The following SUMF1 variants were observed in gnomAD, a reference collection of about 807,000 sequenced individuals.
The protein encoded by SUMF1 is sulfatase modifying factor 1.
SUMF1 carries 48 observed loss-of-function variants against 47.6 expected under a neutral mutation model. The observed-to-expected ratio is 1.01, with a 90% confidence interval of 0.80 to 1.28. The LOEUF (loss-of-function observed/expected upper bound fraction) is 1.28, where lower values mean the gene tolerates loss of function less well. Among genes scored for constraint, SUMF1 ranks in the 50% most tolerant of loss-of-function variants. The pLI, the probability that SUMF1 is intolerant of heterozygous loss-of-function variation, is 0.00. For missense variants in SUMF1, 571 were observed against 485.4 expected (o/e 1.18, Z -1.66); for synonymous variants, 230 against 192.1 (o/e 1.20, Z -1.63).
At chr3:4,286,584 G>A in intron 8 of SUMF1, among the ~76,000 whole-genome samples, 1 of 152,028 alleles carries the variant, frequency 6.6e-6, no homozygotes, top group East Asian at 1.9e-4. Flanking sequence ...CATCACACCA[G>A]CAGTCATGTT....
At chr3:4,166,800 T>A (rs1694717181) in intron 8 of SUMF1, among the ~76,000 whole-genome samples, 1 of 152,080 alleles carries the variant, frequency 6.6e-6, no homozygotes, top group Non-Finnish European at 1.5e-5. Flanking sequence ...TCCCTCTCTG[T>A]TGACCCTCAG....
chr3:4,135,054 C>T (rs537645060), intron 8 of SUMF1, among the ~76,000 whole-genome samples: 17 of 152,238 alleles, frequency 1.1e-4, no homozygotes, highest in Non-Finnish European at 2.4e-4. Context: ...CACGGAGGAG[C>T]TGGTACCATG....
At chr3:4,461,031 C>T (rs578036535) in intron 1 of SUMF1, among the ~76,000 whole-genome samples, 1 of 152,268 alleles carries the variant, frequency 6.6e-6, no homozygotes, top group South Asian at 2.1e-4. Flanking sequence ...TCTTTTATTT[C>T]TATATCCCCA....
chr3:4,289,703 C>A (rs931706306), intron 8 of SUMF1, among the ~76,000 whole-genome samples: 8 of 152,130 alleles, frequency 5.3e-5, no homozygotes, highest in Non-Finnish European at 1.5e-5. Flanking sequence ...TTCTTTGTTG[C>A]TATCATCCAG....
chr3:4,255,930 G>A (rs910369376), intron 8 of SUMF1, among the ~76,000 whole-genome samples: 4 of 118,592 alleles, frequency 3.4e-5, no homozygotes, highest in Admixed American at 2.5e-4. Context: ...AGACCACAGT[G>A]CAATCAAACT....
chr3:4,426,631 A>G (rs1467199239), intron 3 of SUMF1, among the ~76,000 whole-genome samples: 1 of 152,218 alleles, frequency 6.6e-6, no homozygotes, highest in Non-Finnish European at 1.5e-5. Flanking sequence ...GCAGATTGTG[A>G]CATCTATAAT....
At chr3:4,410,135 C>T (rs760809327) in intron 7 of SUMF1, among the ~76,000 whole-genome samples, 2 of 152,142 alleles carry the variant, frequency 1.3e-5, no homozygotes, top group Admixed American at 6.5e-5. Context: ...CTGTTCACAC[C>T]ATAAAAAATA....
chr3:4,319,637 A>G (rs991499680), intron 8 of SUMF1, among the ~76,000 whole-genome samples: 3 of 152,228 alleles, frequency 2.0e-5, no homozygotes, highest in African/African-American at 4.8e-5. Context: ...TGTCATTTCT[A>G]TGGGACAGTT....
chr3:4,105,182 G>A (rs569632044), intron 8 of SUMF1, among the ~76,000 whole-genome samples: 18 of 152,138 alleles, frequency 1.2e-4, no homozygotes, highest in South Asian at 4.2e-4. Context: ...TAAAACAGTC[G>A]AACTCATAGA....
intron 6 of SUMF1, among the ~76,000 whole-genome samples, chr3:4,416,886 C>T (rs1031005367): frequency 6.6e-6 from 1 of 152,086 alleles, no homozygotes; most frequent in Non-Finnish European, 1.5e-5. Context: ...TTAGCTTTCT[C>T]CTTTATAGTC....
In SUMF1 at chr3:4,137,989, A is replaced by C. The variant is rs185256895; in HGVS notation, c.1015-69244T>G. On this transcript the variant is annotated intron_variant and NMD_transcript_variant, in intron 8 of 12. Transcript: ENST00000448413. ...GTTGCTGAATACAAATTCAATATGC[A>C]AGATTTAATTGTATTTCAATACAGT... Among the ~76,000 whole-genome samples, 158 of 152,230 alleles carry C rather than the reference A, an allele frequency of 1.0e-3. 1 individual carries two copies. Among genetic ancestry groups the C allele is most frequent in the Admixed American group, 6.0e-3 (91 of 15,272 alleles).
At chr3:4,330,019 C>G (rs1699018987) in intron 8 of SUMF1, among the ~76,000 whole-genome samples, 1 of 152,166 alleles carries the variant, frequency 6.6e-6, no homozygotes, top group African/African-American at 2.4e-5. Flanking sequence ...CCACTAGTCT[C>G]TTTGCTAATG....
At position 4,364,848 on chromosome 3, in the gene SUMF1, T is replaced by C. The variant is rs1310832458; in HGVS notation, c.1015-2594A>G. Among the ~76,000 whole-genome samples, 305 of 151,834 alleles carry C rather than the reference T, an allele frequency of 2.0e-3. 1 individual carries two copies. The highest frequency in any genetic ancestry group is 0.01 in the Middle Eastern group (3 of 294). On this transcript the variant is annotated intron_variant, in intron 8 of 8. Transcript: ENST00000272902. ...TCAATTTTGGATCTTTCCTGCTTTCTCTTGTGGGCATTTAGTGCTATAAAT... is the reference window on the plus strand; with the variant it reads ...TCAATTTTGGATCTTTCCTGCTTTCCCTTGTGGGCATTTAGTGCTATAAAT...
chr3:4,254,943 GA>G (rs1356532418), intron 8 of SUMF1, among the ~76,000 whole-genome samples: 1 of 152,136 alleles, frequency 6.6e-6, no homozygotes, highest in Non-Finnish European at 1.5e-5. Flanking sequence ...AGCCAGAAGA[GA>G]GGGGGGGCCA....
chr3:4,155,307 C>T (rs2125108896), intron 8 of SUMF1, among the ~76,000 whole-genome samples: 1 of 151,630 alleles, frequency 6.6e-6, no homozygotes, highest in Admixed American at 6.5e-5. Flanking sequence ...GATTCAGACA[C>T]TCTTTCCATG....
intron 3 of SUMF1, among the ~76,000 whole-genome samples, chr3:4,420,835 A>G (rs1298479971): frequency 1.3e-5 from 2 of 152,202 alleles, no homozygotes; most frequent in East Asian, 3.9e-4. Context: ...AAGGTCAACC[A>G]TGGTGGTCAG....
intron 8 of SUMF1, among the ~76,000 whole-genome samples, chr3:4,174,771 T>C (rs1033989408): frequency 3.3e-5 from 5 of 152,156 alleles, no homozygotes; most frequent in Non-Finnish European, 7.4e-5. Flanking sequence ...AGGAGATTTC[T>C]CTTTCCTAGC....
intron 8 of SUMF1, among the ~76,000 whole-genome samples, chr3:4,135,985 C>G (rs1574915034): frequency 6.6e-6 from 1 of 152,196 alleles, no homozygotes; most frequent in East Asian, 1.9e-4. Context: ...AGGATACAAA[C>G]AAATGGAAGA....
chr3:4,241,663 C>G (rs1487578020), intron 8 of SUMF1, among the ~76,000 whole-genome samples: 1 of 152,116 alleles, frequency 6.6e-6, no homozygotes, highest in African/African-American at 2.4e-5. Context: ...AATGAAGCAG[C>G]AGCGTTGTCT....
Sources: gnomAD v4.1 joint callset for allele counts (sites outside exome capture counted in the v4.1 genomes callset) on GRCh38, gnomAD v4.1.1 for gene constraint, MANE v1.5 for transcripts, NCBI Gene and HGNC (gene_info 2026-07-23, HGNC 2026-07-21) for gene names.